KCNN3: variants seen among roughly 807,000 people sequenced by gnomAD.
KCNN3 encodes the protein potassium calcium-activated channel subfamily N member 3, also known as small conductance calcium-activated potassium channel protein 3.
In KCNN3, 16 loss-of-function variants were observed where a neutral mutation model predicts 62.9. The ratio of observed to expected loss-of-function variants is 0.25; its 90% confidence interval spans 0.17 to 0.39. KCNN3 has a LOEUF of 0.39. Among genes scored for constraint, KCNN3 ranks in the 10% least tolerant of loss-of-function variants. The probability of loss-of-function intolerance (pLI) is 1.00; values close to 1 mark genes in which losing one functional copy is unlikely to be tolerated. For synonymous variants in KCNN3, 370 were observed against 389.2 expected (o/e 0.95, Z 0.58); for missense variants, 599 against 949.4 (o/e 0.63, Z 4.85).
At position 154,812,306 on chromosome 1, in the gene KCNN3, C is replaced by T. The variant is rs188545872; in HGVS notation, c.1029+9783G>A. ...TAAGTTTTAGGGTACATGTGCACAA[C>T]GTGCAGGTTTGTTACATATGTATAC... On this transcript the variant is annotated intron_variant, in intron 2 of 7. Transcript: ENST00000271915. 6.3e-3 allele frequency among the ~76,000 whole-genome samples: 953 copies of T among 151,876 alleles called. 13 individuals carry two copies. Among genetic ancestry groups the T allele is most frequent in the African/African-American group, 0.022 (903 of 41,412 alleles).
chr1:154,772,914 G>T lies in KCNN3; in HGVS notation c.1030-521C>A, dbSNP rs920306098. Among the ~76,000 whole-genome samples, 1 of 152,124 alleles carries T rather than the reference G, an allele frequency of 6.6e-6. No homozygotes were observed. The highest frequency in any genetic ancestry group is 1.9e-4 in the East Asian group (1 of 5,174). On this transcript the variant is annotated intron_variant, in intron 2 of 7. Coordinates refer to ENST00000271915, the MANE Select transcript of KCNN3 (RefSeq NM_002249.6). This position sits in a 1 kb window ranked among gnomAD's most constrained non-coding sequence, Gnocchi z 5.6. ...ACCTCCTGAGAAGGAAGAGGGGCCC[G>T]AAGGTTGAGTTGATCACCAATGGCC...
Position 154,868,180 on chromosome 1 carries a change from G to A in KCNN3, c.933+852C>T, listed in dbSNP as rs1391451482. 6.1e-6 allele frequency: 6 copies of A among 985,416 alleles called. No individual in the cohort carries two copies. The African/African-American group carries it at 8.7e-5, about 14-fold the overall frequency. The allele number at this position is 985,416 out of a possible 1,614,324, so 61.0% of individuals were successfully genotyped here. A position where few individuals can be genotyped will look rare whatever the true frequency, so the allele number is the denominator to read the frequency against. On this transcript the variant is annotated intron_variant, in intron 1 of 7. Coordinates refer to ENST00000271915, the MANE Select transcript of KCNN3 (RefSeq NM_002249.6). ...CGGGCTTGTGGGGACCGCCTGGGAAGCCCTGTCATCCCGTCCCAAGGAGAG... is the reference window on the plus strand; with the variant it reads ...CGGGCTTGTGGGGACCGCCTGGGAAACCCTGTCATCCCGTCCCAAGGAGAG...
Position 154,715,078 on chromosome 1 carries a change from T to G in KCNN3, c.1702-75A>C, listed in dbSNP as rs1317490216. On this transcript the variant is annotated intron_variant, in intron 5 of 7. Transcript: ENST00000271915. Reference sequence around the variant, plus strand: ...TTCATTTTTGTGGTTGCTACTGTAGTCTACCTCATAAGGAAACGATTTTGC... The same window carrying G: ...TTCATTTTTGTGGTTGCTACTGTAGGCTACCTCATAAGGAAACGATTTTGC... 4 of 1,546,954 alleles carry G rather than the reference T, an allele frequency of 2.6e-6. No individual in the cohort carries two copies. In the African/African-American group the frequency reaches 4.1e-5, roughly 16 times the overall value.
At chr1:154,753,279 C>T (rs1023994744) in intron 3 of KCNN3, among the ~76,000 whole-genome samples, 2 of 152,098 alleles carry the variant, frequency 1.3e-5, no homozygotes, top group Non-Finnish European at 2.9e-5. Flanking sequence ...CCCCACCCCT[C>T]GAAAACAGAC....
intron 2 of KCNN3, among the ~76,000 whole-genome samples, chr1:154,815,669 T>A (rs1650634511): frequency 6.6e-6 from 1 of 152,250 alleles, no homozygotes; most frequent in African/African-American, 2.4e-5. Flanking sequence ...CTCACCATTT[T>A]TATAGACTGT....
chr1:154,754,001 G>C (rs534790889), intron 3 of KCNN3, among the ~76,000 whole-genome samples: 16 of 152,282 alleles, frequency 1.1e-4, no homozygotes, highest in African/African-American at 3.9e-4. Context: ...GCCATGTGCT[G>C]TCCCTTCTGT....
Position 154,772,525 on chromosome 1 carries a change from T to C in KCNN3, c.1030-132A>G, listed in dbSNP as rs1648608229. ...AGCCTGACCACCTCAGCATGCTCTT[T>C]AGGGGCCTTGCTATGTGGCAAGAGC... On this transcript the variant is annotated intron_variant, in intron 2 of 7. Transcript: ENST00000271915. The surrounding 1 kb of genome is among the most constrained non-coding windows in gnomAD (Gnocchi z 5.6). The C allele has an allele frequency of 1.2e-6, 1 of 820,472 alleles. No homozygotes were observed. The highest frequency in any genetic ancestry group is 1.7e-5 in the African/African-American group (1 of 59,320). The allele number at this position is 820,472 out of a possible 1,614,324, so 50.8% of individuals were successfully genotyped here.
chr1:154,767,873 G>A (rs1233755906), intron 3 of KCNN3, among the ~76,000 whole-genome samples: 2 of 152,144 alleles, frequency 1.3e-5, no homozygotes, highest in Non-Finnish European at 2.9e-5. Flanking sequence ...TCTCTCCTTG[G>A]GAGGAGGAAA....
rs1231791297 is a variant in KCNN3, at chr1:154,700,848, AG to A, written c.*7127del. 5.9e-5 allele frequency: 9 copies of A among 152,240 alleles called. No individual in the cohort carries two copies. The highest frequency in any genetic ancestry group is 2.2e-4 in the African/African-American group (9 of 41,526). 9.4% of individuals were successfully genotyped at this position (152,240 alleles called of 1,614,324 possible). A position where few individuals can be genotyped will look rare whatever the true frequency, so the allele number is the denominator to read the frequency against. ...TTTAAAAAAGAAAAAATCATTTAGTAGCAAAAAAAAGTGAAGAAATAAATCA... is the reference window on the plus strand; with the variant it reads ...TTTAAAAAAGAAAAAATCATTTAGTACAAAAAAAAGTGAAGAAATAAATCA... On this transcript the variant is annotated 3_prime_UTR_variant, in exon 8 of 8. Transcript: ENST00000271915.
At chr1:154,740,707 C>T (rs1278338652) in intron 3 of KCNN3, among the ~76,000 whole-genome samples, 2 of 152,216 alleles carry the variant, frequency 1.3e-5, no homozygotes. Flanking sequence ...GGGATCTCAT[C>T]AAGACTTGAC....
At chr1:154,808,861 A>G (rs1427387922) in intron 2 of KCNN3, among the ~76,000 whole-genome samples, 2 of 152,190 alleles carry the variant, frequency 1.3e-5, no homozygotes, top group Non-Finnish European at 2.9e-5. Flanking sequence ...CTTCCTCCCC[A>G]GATGCACAAG....
intron 1 of KCNN3, among the ~76,000 whole-genome samples, chr1:154,834,642 C>A (rs1392067500): frequency 6.6e-6 from 1 of 152,194 alleles, no homozygotes; most frequent in Non-Finnish European, 1.5e-5. Flanking sequence ...CAAGGACTTA[C>A]TGAGTACCTG....
intron 1 of KCNN3, among the ~76,000 whole-genome samples, 195 bp downstream of exon 1, chr1:154,868,837 C>T (rs542557001): frequency 6.6e-6 from 1 of 152,018 alleles, no homozygotes; most frequent in East Asian, 1.9e-4. Context: ...TTGAATATAA[C>T]TGAGCAAGCG....
At chr1:154,768,906 A>T (rs777583163) in intron 3 of KCNN3, among the ~76,000 whole-genome samples, 2 of 152,188 alleles carry the variant, frequency 1.3e-5, no homozygotes, top group Non-Finnish European at 2.9e-5. Context: ...TAAGACTCTG[A>T]GATTGGGAAA....
At chr1:154,739,890 A>G (rs1022879239) in intron 3 of KCNN3, among the ~76,000 whole-genome samples, 11 of 152,262 alleles carry the variant, frequency 7.2e-5, no homozygotes, top group African/African-American at 2.4e-4. Context: ...TCAAGCCTTG[A>G]GGTGAGACCA....
chr1:154,849,549 T>C (rs528109777), intron 1 of KCNN3, among the ~76,000 whole-genome samples: 7 of 152,228 alleles, frequency 4.6e-5, no homozygotes, highest in Non-Finnish European at 1.0e-4. Flanking sequence ...TTTCCAAGGA[T>C]GAAAAGACAT....
chr1:154,833,329 G>T (rs952629826), intron 1 of KCNN3, among the ~76,000 whole-genome samples: 1 of 152,112 alleles, frequency 6.6e-6, no homozygotes, highest in Non-Finnish European at 1.5e-5. Flanking sequence ...AAAAACAACC[G>T]CCTGCAGGCT....
chr1:154,802,768 C>T (rs61811867), intron 2 of KCNN3, among the ~76,000 whole-genome samples: 19,716 of 152,232 alleles, frequency 0.13, 1,542 homozygotes, highest in South Asian at 0.27. Flanking sequence ...AATGTTCCCA[C>T]ACAGCTCCAC....
chr1:154,756,852 T>C (rs902163567), intron 3 of KCNN3, among the ~76,000 whole-genome samples: 1 of 152,210 alleles, frequency 6.6e-6, no homozygotes, highest in South Asian at 2.1e-4. Context: ...GAAAAAATCA[T>C]GTGTGTTTTA....
Sources: allele counts gnomAD v4.1 joint callset (sites outside exome capture counted in the v4.1 genomes callset), GRCh38; gene constraint gnomAD v4.1.1; non-coding constraint Gnocchi (gnomAD v3.1); transcripts MANE v1.5; gene names NCBI Gene and HGNC (gene_info 2026-07-23, HGNC 2026-07-21).